ZNF443: variants seen among roughly 807,000 people sequenced by gnomAD.
The protein encoded by ZNF443 is zinc finger protein 443.
ZNF443 carries 3 observed loss-of-function variants against 12.0 expected under a neutral mutation model. That is an observed-to-expected ratio of 0.25 (90% CI 0.11 to 0.64). The LOEUF (loss-of-function observed/expected upper bound fraction) is 0.64, where lower values mean the gene tolerates loss of function less well. Ranked by LOEUF, ZNF443 falls within the 30% of genes least tolerant of loss-of-function variation. ZNF443 has a pLI of 0.84. For synonymous variants in ZNF443, 225 were observed against 265.9 expected (o/e 0.85, Z 1.50); for missense variants, 770 against 808.8 (o/e 0.95, Z 0.58).
chr19:12,440,657 C>A (rs1243809523), intron 1 of ZNF443, among the ~76,000 whole-genome samples: 1 of 152,220 alleles, frequency 6.6e-6, no homozygotes, highest in Non-Finnish European at 1.5e-5. Context: ...CTGGGGAGAC[C>A]CGGGGCTGCG....
chr19:12,436,790 C>T (rs1239446086), intron 1 of ZNF443, among the ~76,000 whole-genome samples: 2 of 151,540 alleles, frequency 1.3e-5, no homozygotes, highest in Non-Finnish European at 2.9e-5. Flanking sequence ...CACAAATATA[C>T]ACATATGCAT....
Position 12,429,969 on chromosome 19 carries a change from C to G in ZNF443, c.*187G>C, listed in dbSNP as rs1417107199. On this transcript the variant is annotated 3_prime_UTR_variant, in exon 4 of 4. Coordinates refer to ENST00000301547, the MANE Select transcript of ZNF443 (RefSeq NM_005815.5). ...TATAAAAGGGACTGGACATGGCTCA[C>G]GGAGTGCTGGAACCAATACCCAGCA... 1 of 865,842 alleles carries G rather than the reference C, an allele frequency of 1.2e-6. No individual in the cohort carries two copies. The highest frequency in any genetic ancestry group is 1.8e-6 in the Non-Finnish European group (1 of 570,482). 53.6% of individuals were successfully genotyped at this position (865,842 alleles called of 1,614,324 possible). A position where few individuals can be genotyped will look rare whatever the true frequency, so the allele number is the denominator to read the frequency against.
At chr19:12,438,553 T>C (rs28819482) in intron 1 of ZNF443, among the ~76,000 whole-genome samples, 49,941 of 151,608 alleles carry the variant, frequency 0.33, 8,657 homozygotes, top group South Asian at 0.47. Flanking sequence ...TTGTTAAATC[T>C]TTTTAATTCA....
At position 12,431,270 on chromosome 19, in the gene ZNF443, C is replaced by A; in HGVS notation, c.902G>T (p.Arg301Ile). The A allele has an allele frequency of 1.9e-6, 3 of 1,614,102 alleles. No homozygotes were observed. Among genetic ancestry groups the A allele is most frequent in the Non-Finnish European group, 2.5e-6 (3 of 1,179,976 alleles). ...ATAGGGTTTCTCTCCAGTGTGAGTT[C>A]TTTCATGTATTAGACAAGAACTGGA... ...PDSSSCLIHE[R>I]THTGEKPYTC... The change falls in exon 4 of 4, where the codon AGA becomes ATA. Residue 301 changes from arginine (R) to isoleucine (I), a missense_variant. This residue lies in a region of ZNF443 where 736 missense variants were observed against 689.4 expected (regional missense o/e 1.07). Transcript: ENST00000301547.
chr19:12,431,874 C>A lies in ZNF443; in HGVS notation c.298G>T (p.Val100Leu). 1 of 1,614,108 alleles carries A rather than the reference C, an allele frequency of 6.2e-7. No homozygotes were observed. Among genetic ancestry groups the A allele is most frequent in the Non-Finnish European group, 8.5e-7 (1 of 1,180,004 alleles). Residue 100 changes from valine (V) to leucine (L), a missense_variant, in exon 4 of 4, where the codon GTA (valine) becomes TTA (leucine). Transcript: ENST00000301547. ...SIVTKNTLPG[V>L]GPCESSMRGE... is the part of the protein sequence containing the mutation. ...CTCATACTGCTTTCACAAGGACCTA[C>A]TCCAGGAAGAGTGTTCTTGGTCACA...
intron 1 of ZNF443, among the ~76,000 whole-genome samples, chr19:12,434,494 A>G (rs55638940): frequency 0.33 from 49,959 of 151,986 alleles, 8,622 homozygotes; most frequent in South Asian, 0.47. Flanking sequence ...AAAGAACTCA[A>G]TGTCATCTCT....
chr19:12,430,617 G>A lies in ZNF443; in HGVS notation c.1555C>T (p.Leu519Phe). Residue 519 changes from leucine to phenylalanine, a missense_variant, in exon 4 of 4, where the codon CTT (leucine) becomes TTT (phenylalanine). Leu to Phe is a conservative substitution (Grantham distance 22, BLOSUM62 0). Around this residue, in one of 3 missense-constraint regions of ZNF443, gnomAD observed 736 missense variants for 689.4 expected, o/e 1.07. Coordinates refer to ENST00000301547, the MANE Select transcript of ZNF443 (RefSeq NM_005815.5). ...GTGTGAGTCCTTTTATGTCGAGAAA[G>A]GTATCTGAAACGACTGAATGCTTTC... ...CGKAFSRFRY[L>F]SRHKRTHTGE... The A allele has an allele frequency of 1.9e-6, 3 of 1,610,394 alleles. No homozygotes were observed. The highest frequency in any genetic ancestry group is 2.5e-6 in the Non-Finnish European group (3 of 1,178,754).
chr19:12,431,937 G>C lies in ZNF443; in HGVS notation c.235C>G (p.Gln79Glu), dbSNP rs369746299. The C allele has an allele frequency of 3.1e-6, 5 of 1,600,124 alleles. No individual in the cohort carries two copies. The highest frequency in any genetic ancestry group is 2.2e-5 in the East Asian group (1 of 44,810). ...ATCTGGCTAGATGTTTCTCCACATT[G>C]AGTTCCATCTTTACTTTCAACAAAT... ...ERFVESKDGT[Q>E]CGETSSQIQD... The change falls in exon 4 of 4, where the codon CAA (glutamine) becomes GAA (glutamate). Residue 79 changes from glutamine to glutamate, a missense_variant. Physicochemically the swap from Gln to Glu is conservative, Grantham distance 29. Around this residue, in one of 3 missense-constraint regions of ZNF443, gnomAD observed 736 missense variants for 689.4 expected, o/e 1.07. Coordinates refer to ENST00000301547, the MANE Select transcript of ZNF443 (RefSeq NM_005815.5).
rs1277263108 is a variant in ZNF443 at position 12,437,344 on chromosome 19, G to A, written c.3+3568C>T. Among the ~76,000 whole-genome samples the A allele has an allele frequency of 8.6e-5, 13 of 151,312 alleles. No homozygotes were observed. In the East Asian group the frequency reaches 2.5e-3, roughly 29 times the overall value. On this transcript the variant is annotated intron_variant, in intron 1 of 3. Transcript: ENST00000301547. Reference sequence around the variant, plus strand: ...GATCTCCTGAGCCCAGGAGTTGGAGGTTATAGTTAACTATGATTGCTCCAC... The same window carrying A: ...GATCTCCTGAGCCCAGGAGTTGGAGATTATAGTTAACTATGATTGCTCCAC...
rs561730927 is a variant in ZNF443 at position 12,431,931 on chromosome 19, C to T, written c.241G>A (p.Gly81Arg). Residue 81 changes from glycine (G) to arginine (R), a missense_variant, in exon 4 of 4, where the codon GGA becomes AGA. By Grantham distance (125) the Gly-to-Arg change is moderately radical. This residue lies in a region of ZNF443 where 736 missense variants were observed against 689.4 expected (regional missense o/e 1.07). Transcript: ENST00000301547. ...FVESKDGTQC[G>R]ETSSQIQDSI... The stretch of plus-strand genomic sequence containing the variant: ...TCTTGAATCTGGCTAGATGTTTCTC[C>T]ACATTGAGTTCCATCTTTACTTTCA... 1 of 1,604,440 alleles carries T rather than the reference C, an allele frequency of 6.2e-7. No homozygotes were observed. The highest frequency in any genetic ancestry group is 1.1e-5 in the South Asian group (1 of 89,476).
At chr19:12,436,835 G>A (rs573841188) in intron 1 of ZNF443, among the ~76,000 whole-genome samples, 64 of 150,848 alleles carry the variant, frequency 4.2e-4, no homozygotes, top group African/African-American at 1.5e-3. Context: ...ATTCAATGAA[G>A]GCACAAAAAT....
rs779760729 is a variant in ZNF443, at chr19:12,431,018, C to T, written c.1154G>A (p.Arg385Lys). The change falls in exon 4 of 4, where the codon AGA becomes AAA. Residue 385 changes from arginine (R) to lysine (K), a missense_variant. Arg to Lys is a conservative substitution (Grantham distance 26). This residue lies in a region of ZNF443 where 736 missense variants were observed against 689.4 expected (regional missense o/e 1.07). Transcript: ENST00000301547. ...DCPSSLQSHE[R>K]THTGEKPYEC... The stretch of plus-strand genomic sequence containing the variant: ...ATAGGGTTTCTCTCCAGTGTGAGTT[C>T]TTTCATGACTTTGCAGTGAACTAGG... 1.2e-6 allele frequency: 2 copies of T among 1,613,948 alleles called. No homozygotes were observed. Among genetic ancestry groups the T allele is most frequent in the Non-Finnish European group, 8.5e-7 (1 of 1,179,880 alleles).
chr19:12,430,177 A>T lies in ZNF443; in HGVS notation c.1995T>A (p.His665Gln). 3.1e-6 allele frequency: 5 copies of T among 1,613,732 alleles called. No homozygotes were observed. Among genetic ancestry groups the T allele is most frequent in the Non-Finnish European group, 4.2e-6 (5 of 1,179,774 alleles). ...AATGCTAGTGAGTCTTTTTATGTCT[A>T]TGCAAGGAACTGAGAGAAGCAAATG... Reference protein sequence around the residue: ...GKAFASLSSLHRHKKTH With the variant: ...GKAFASLSSLQRHKKTH Residue 665 changes from histidine to glutamine, a missense_variant, in exon 4 of 4, where the codon CAT becomes CAA. His to Gln is a conservative substitution (Grantham distance 24). Coordinates refer to ENST00000301547, the MANE Select transcript of ZNF443 (RefSeq NM_005815.5).
At chr19:12,435,715 C>T (rs61065382) in intron 1 of ZNF443, among the ~76,000 whole-genome samples, 46,864 of 147,276 alleles carry the variant, frequency 0.32, 7,896 homozygotes, top group South Asian at 0.45. Context: ...TTGTATGCTT[C>T]ATCTTTTTTA....
chr19:12,437,200 G>A (rs1970320209), intron 1 of ZNF443, among the ~76,000 whole-genome samples: 1 of 151,890 alleles, frequency 6.6e-6, no homozygotes, highest in Admixed American at 6.6e-5. Context: ...CCCACACTCA[G>A]CAACACAATG....
chr19:12,439,390 C>A (rs370172176), intron 1 of ZNF443, among the ~76,000 whole-genome samples: 13 of 152,258 alleles, frequency 8.5e-5, no homozygotes, highest in African/African-American at 3.1e-4. Flanking sequence ...GATCCAGTTG[C>A]TCCCCAGGGG....
Position 12,431,283 on chromosome 19 carries a change from G to T in ZNF443, c.889C>A (p.Leu297Ile). Reference sequence around the variant, plus strand: ...CCAGTGTGAGTTCTTTCATGTATTAGACAAGAACTGGAATCAGGGAAGGCT... The same window carrying T: ...CCAGTGTGAGTTCTTTCATGTATTATACAAGAACTGGAATCAGGGAAGGCT... ...SKAFPDSSSC[L>I]IHERTHTGEK... Residue 297 changes from leucine to isoleucine, a missense_variant, in exon 4 of 4, where the codon CTA becomes ATA. Physicochemically the swap from Leu to Ile is conservative, Grantham distance 5. Around this residue, in one of 3 missense-constraint regions of ZNF443, gnomAD observed 736 missense variants for 689.4 expected, o/e 1.07. Transcript: ENST00000301547. 6.2e-7 allele frequency: 1 copy of T among 1,614,128 alleles called. No homozygotes were observed. The highest frequency in any genetic ancestry group is 1.1e-5 in the South Asian group (1 of 91,080).
At position 12,440,892 on chromosome 19, in the gene ZNF443, C is replaced by T. The variant is rs1568239966; in HGVS notation, c.3+20G>A. Reference sequence around the variant, plus strand: ...ACCTAACCCCTCCCCCGCCTCGGGACGCCGGCCCAGCACACGCACCATTTC... The same window carrying T: ...ACCTAACCCCTCCCCCGCCTCGGGATGCCGGCCCAGCACACGCACCATTTC... On this transcript the variant is annotated intron_variant, in intron 1 of 3. Transcript: ENST00000301547. The T allele has an allele frequency of 1.9e-6, 3 of 1,614,088 alleles. No individual in the cohort carries two copies. Among genetic ancestry groups the T allele is most frequent in the Non-Finnish European group, 2.5e-6 (3 of 1,179,976 alleles).
intron 1 of ZNF443, among the ~76,000 whole-genome samples, chr19:12,438,096 CA>C (rs59499489): frequency 0.32 from 40,493 of 126,900 alleles, 5,533 homozygotes; most frequent in South Asian, 0.38. Flanking sequence ...GATGCTGTCT[CA>C]AAAAAAAAAA....
Sources: allele counts gnomAD v4.1 joint callset (sites outside exome capture counted in the v4.1 genomes callset), GRCh38; gene constraint gnomAD v4.1.1; regional missense constraint gnomAD v4.1.1; transcripts MANE v1.5; gene names NCBI Gene and HGNC (gene_info 2026-07-23, HGNC 2026-07-21).